Variants in GALNT14 observed in about 807,000 individuals in gnomAD.
The protein encoded by GALNT14 is polypeptide N-acetylgalactosaminyltransferase 14.
A neutral mutation model predicts 77.5 loss-of-function variants in GALNT14; 60 were observed. The ratio of observed to expected loss-of-function variants is 0.77; its 90% confidence interval spans 0.63 to 0.96. GALNT14 has a LOEUF of 0.96. Ranked by LOEUF, GALNT14 falls within the 40% of genes least tolerant of loss-of-function variation. The pLI is 0.00. For missense variants in GALNT14, 710 were observed against 731.0 expected (o/e 0.97, Z 0.33); for synonymous variants, 280 against 281.7 (o/e 0.99, Z 0.06).
chr2:31,015,693 C>T (rs1043799635), intron 1 of GALNT14, among the ~76,000 whole-genome samples: 14 of 152,198 alleles, frequency 9.2e-5, no homozygotes, highest in African/African-American at 2.2e-4. Context: ...CTCAACACCA[C>T]GTCTGTAGTA....
At chr2:31,029,518 T>C (rs756340355) in intron 1 of GALNT14, among the ~76,000 whole-genome samples, 1 of 152,238 alleles carries the variant, frequency 6.6e-6, no homozygotes, top group Non-Finnish European at 1.5e-5. Flanking sequence ...TGCCCTGTAA[T>C]CATATAGAAC....
chr2:30,994,016 A>G (rs1278715965), intron 1 of GALNT14, among the ~76,000 whole-genome samples: 4 of 152,234 alleles, frequency 2.6e-5, no homozygotes, highest in Non-Finnish European at 2.9e-5. Flanking sequence ...TCACTTCCCA[A>G]TGCATGTTAG....
chr2:31,102,676 G>A (rs1295585689), intron 1 of GALNT14, among the ~76,000 whole-genome samples: 4 of 152,048 alleles, frequency 2.6e-5, no homozygotes, highest in African/African-American at 9.7e-5. Context: ...TATTACCTAT[G>A]TTAATTAGAG....
chr2:30,888,560 C>T, the GALNT14 span, among the ~76,000 whole-genome samples: 5 of 152,136 alleles, frequency 3.3e-5, no homozygotes, highest in African/African-American at 7.2e-5. Context: ...TCTCACTGGT[C>T]GCTGGGAAGG....
At chr2:31,132,160 C>T (rs1002762744) in intron 1 of GALNT14, among the ~76,000 whole-genome samples, 6 of 152,126 alleles carry the variant, frequency 3.9e-5, no homozygotes, top group South Asian at 2.1e-4. Flanking sequence ...TGGGACACAG[C>T]ACATCCGCCA....
At chr2:30,955,302 G>A (rs543413806) in intron 6 of GALNT14, among the ~76,000 whole-genome samples, 5 of 152,248 alleles carry the variant, frequency 3.3e-5, no homozygotes, top group African/African-American at 4.8e-5. Flanking sequence ...TCTGCTCTCC[G>A]GTAGAACCGG....
At chr2:30,890,248 C>T in the GALNT14 span, among the ~76,000 whole-genome samples, 10 of 152,196 alleles carry the variant, frequency 6.6e-5, no homozygotes, top group Non-Finnish European at 1.3e-4. Context: ...AGAGAGGAGA[C>T]TGTTCCTCCC....
At chr2:30,963,041 T>C (rs566897763) in intron 3 of GALNT14, among the ~76,000 whole-genome samples, 3 of 152,316 alleles carry the variant, frequency 2.0e-5, no homozygotes, top group South Asian at 2.1e-4. Context: ...TACACATGCC[T>C]CTCAGGTCTC....
At position 31,061,485 on chromosome 2, in the gene GALNT14, G is replaced by C. The variant is rs193003194; in HGVS notation, c.130-68478C>G. Among the ~76,000 whole-genome samples, 4 of 152,124 alleles carry C rather than the reference G, an allele frequency of 2.6e-5. No individual in the cohort carries two copies. The East Asian group carries it at 7.7e-4, about 29-fold the overall frequency. ...CCCTTTTTCCTCACTCCAACATGCA[G>C]TCTCAAAAATACTATCAGAGTGATC... is the stretch of plus-strand genomic sequence containing the variant. On this transcript the variant is annotated intron_variant, in intron 1 of 14. Coordinates refer to ENST00000349752, the MANE Select transcript of GALNT14 (RefSeq NM_024572.4).
rs533690698 is a variant in GALNT14, at chr2:31,058,773, C to T, written c.130-65766G>A. On this transcript the variant is annotated intron_variant, in intron 1 of 14. Coordinates refer to ENST00000349752, the MANE Select transcript of GALNT14 (RefSeq NM_024572.4). ...CAACATTATAATGTGGGCCTTATTACACTACTTATTTTTTTTGGATGAGAC... is the reference window on the plus strand; with the variant it reads ...CAACATTATAATGTGGGCCTTATTATACTACTTATTTTTTTTGGATGAGAC... Among the ~76,000 whole-genome samples the T allele has an allele frequency of 2.0e-5, 3 of 152,334 alleles. No individual in the cohort carries two copies. The East Asian group carries it at 5.8e-4, about 29-fold the overall frequency.
At chr2:31,066,857 A>G (rs1675002153) in intron 1 of GALNT14, among the ~76,000 whole-genome samples, 1 of 152,074 alleles carries the variant, frequency 6.6e-6, no homozygotes. Flanking sequence ...ATCTAGTCAC[A>G]TAGAAAGCTG....
chr2:31,035,065 G>T (rs1454001840), intron 1 of GALNT14, among the ~76,000 whole-genome samples: 2 of 152,166 alleles, frequency 1.3e-5, no homozygotes, highest in Non-Finnish European at 2.9e-5. Flanking sequence ...GATATAGTCT[G>T]CTCTTACTGG....
intron 1 of GALNT14, among the ~76,000 whole-genome samples, chr2:31,034,989 T>C (rs958839470): frequency 3.9e-5 from 6 of 152,246 alleles, no homozygotes; most frequent in African/African-American, 1.4e-4. Flanking sequence ...CTTTTAAACG[T>C]ATTCAGGTTG....
chr2:31,069,723 C>T (rs950739216), intron 1 of GALNT14, among the ~76,000 whole-genome samples: 2 of 152,132 alleles, frequency 1.3e-5, no homozygotes, highest in African/African-American at 2.4e-5. Flanking sequence ...AAGCTGAACT[C>T]GCAATAGAAA....
In GALNT14 at chr2:31,102,176, TTTTA is replaced by T. The variant is rs386644479; in HGVS notation, c.129+35778_129+35781del. On this transcript the variant is annotated intron_variant, in intron 1 of 14. Transcript: ENST00000349752. Reference sequence around the variant, plus strand: ...CTTTGTTTTCTAACTCATTAATCTCTTTTATTTATTTTTTTCTGCTTTCCTTCTG... The same window carrying T: ...CTTTGTTTTCTAACTCATTAATCTCTTTTATTTTTTTCTGCTTTCCTTCTG... Among the ~76,000 whole-genome samples the T allele has an allele frequency of 5.7e-5, 8 of 140,844 alleles. No homozygotes were observed. The South Asian group carries it at 6.8e-4, about 12-fold the overall frequency. 92.4% of individuals were successfully genotyped at this position (140,844 alleles called of 152,430 possible). A position where few individuals can be genotyped will look rare whatever the true frequency, so the allele number is the denominator to read the frequency against.
At chr2:30,992,697 G>A (rs755411179) in intron 2 of GALNT14, 141 bp downstream of exon 2, 37 of 986,416 alleles carry the variant, frequency 3.8e-5, no homozygotes, top group Non-Finnish European at 5.3e-5. Flanking sequence ...CACCAAATCC[G>A]AATCCCTTTA....
chr2:31,138,350 A>G lies in GALNT14; in HGVS notation c.-264T>C. On this transcript the variant is annotated 5_prime_UTR_variant, in exon 1 of 15. Coordinates refer to ENST00000349752, the MANE Select transcript of GALNT14 (RefSeq NM_024572.4). The stretch of plus-strand genomic sequence containing the variant: ...GCTGGACGCCCGCTCCAGCGGGAGA[A>G]GCGCGGTGGCTGCCGAGATGTTCCC... The G allele has an allele frequency of 2.2e-6, 1 of 455,576 alleles. No homozygotes were observed. The allele number at this position is 455,576 out of a possible 1,614,324, so 28.2% of individuals were successfully genotyped here. A position where few individuals can be genotyped will look rare whatever the true frequency, so the allele number is the denominator to read the frequency against.
intron 1 of GALNT14, among the ~76,000 whole-genome samples, chr2:31,032,299 C>T (rs1672466160): frequency 6.6e-6 from 1 of 152,320 alleles, no homozygotes; most frequent in Non-Finnish European, 1.5e-5. Flanking sequence ...CGCCCAGCCA[C>T]TGACATCCCA....
chr2:31,048,619 T>C (rs1023776030), intron 1 of GALNT14, among the ~76,000 whole-genome samples: 126 of 66,522 alleles, frequency 1.9e-3, no homozygotes, highest in African/African-American at 6.8e-3. Flanking sequence ...CTGCCTCCCC[T>C]GCCTCCCCGC....
Sources: allele counts gnomAD v4.1 joint callset (sites outside exome capture counted in the v4.1 genomes callset), GRCh38; gene constraint gnomAD v4.1.1; transcripts MANE v1.5; gene names NCBI Gene and HGNC (gene_info 2026-07-23, HGNC 2026-07-21).